The following AACS variants were observed in gnomAD, a reference collection of about 807,000 sequenced individuals.
AACS encodes the protein acetoacetate-CoA ligase.
AACS carries 69 observed loss-of-function variants against 83.1 expected under a neutral mutation model. The ratio of observed to expected loss-of-function variants is 0.83; its 90% CI spans 0.68 to 1.01. The LOEUF is 1.01. Among genes scored for constraint, AACS ranks in the 50% least tolerant of loss-of-function variants. AACS has a pLI of 0.00. For missense variants in AACS, 866 were observed against 882.2 expected (o/e 0.98, Z 0.23); for synonymous variants, 333 against 343.4 (o/e 0.97, Z 0.33).
Position 125,112,931 on chromosome 12 carries a change from C to T in AACS, c.916-1546C>T, listed in dbSNP as rs181798576. 4.1e-3 allele frequency among the ~76,000 whole-genome samples: 628 copies of T among 152,302 alleles called. 3 individuals carry two copies. The highest frequency in any genetic ancestry group is 7.2e-3 in the African/African-American group (298 of 41,566). ...AGAATAGTATGGGAGAAACTGCCCC[C>T]GTGAGTCAATTATCTCCCACCTTGT... On this transcript the variant is annotated intron_variant, in intron 8 of 17. Coordinates refer to ENST00000316519, the MANE Select transcript of AACS (RefSeq NM_023928.5).
Position 125,083,432 on chromosome 12 carries a change from G to A in AACS, c.359-2898G>A, listed in dbSNP as rs74490105. Among the ~76,000 whole-genome samples the A allele has an allele frequency of 8.5e-3, 1,289 of 152,256 alleles. 19 individuals are homozygous for A. Among genetic ancestry groups the A allele is most frequent in the African/African-American group, 0.029 (1,210 of 41,526 alleles). On this transcript the variant is annotated intron_variant, in intron 3 of 17. Transcript: ENST00000316519. ...ACCAGCGGGCAGGAGTCACTGGGGG[G>A]CCATTGTGGAGGCCGGCTACACACT...
Position 125,091,472 on chromosome 12 carries a change from G to T in AACS, c.519G>T (p.Ala173=). 6.2e-7 allele frequency: 1 copy of T among 1,614,220 alleles called. No homozygotes were observed. The highest frequency in any genetic ancestry group is 8.5e-7 in the Non-Finnish European group (1 of 1,180,050). The stretch of plus-strand genomic sequence containing the variant: ...ACGCTGTCGAGGCGATGCTGGCTGC[G>T]GCAAGCATTGGTGCCATCTGGAGCT... The part of the protein sequence containing the change: ...SEHAVEAMLA[A]ASIGAIWSST... The change falls in exon 5 of 18, where the codon GCG becomes GCT. Residue 173 remains alanine (A), a synonymous_variant. Coordinates refer to ENST00000316519, the MANE Select transcript of AACS (RefSeq NM_023928.5).
At chr12:125,077,074 A>AT (rs36067220) in intron 3 of AACS, among the ~76,000 whole-genome samples, 8,220 of 121,208 alleles carry the variant, frequency 0.068, 296 homozygotes, top group Non-Finnish European at 0.082. Context: ...TGCATGGCTG[A>AT]TTTTTTTTTT....
rs1956571103 is a variant in AACS at position 125,094,976 on chromosome 12, G to A, written c.570+3453G>A. The stretch of plus-strand genomic sequence containing the variant: ...TGTCCTCCTGAAGTGCCATCAGGTG[G>A]CCGTGTGTGTGTGTGTGTGTGTGTG... On this transcript the variant is annotated intron_variant, in intron 5 of 17. Transcript: ENST00000316519. This position sits in a 1 kb window ranked among gnomAD's most constrained non-coding sequence, Gnocchi z 4.1. 7.3e-6 allele frequency among the ~76,000 whole-genome samples: 1 copy of A among 137,316 alleles called. No individual in the cohort carries two copies. The highest frequency in any genetic ancestry group is 1.5e-5 in the Non-Finnish European group (1 of 64,596). The allele number at this position is 137,316 out of a possible 152,430, so 90.1% of individuals were successfully genotyped here.
chr12:125,123,838 G>A (rs1011675677), intron 10 of AACS: 3 of 152,250 alleles, frequency 2.0e-5, no homozygotes, highest in Admixed American at 6.5e-5. Flanking sequence ...GAAAAGCTGA[G>A]GAAGGAAATA....
chr12:125,122,396 G>A (rs1476954301), intron 10 of AACS: 3 of 152,216 alleles, frequency 2.0e-5, no homozygotes, highest in Admixed American at 6.5e-5. Flanking sequence ...AGCACTTTGG[G>A]AGGCTGAGGT....
chr12:125,087,210 C>T (rs552999132), intron 4 of AACS, among the ~76,000 whole-genome samples: 9 of 152,338 alleles, frequency 5.9e-5, no homozygotes, highest in African/African-American at 2.2e-4. Flanking sequence ...GAGCAGGCCC[C>T]ATTTGGGGAT....
intron 12 of AACS, chr12:125,125,728 T>C (rs1957236512): frequency 6.6e-6 from 1 of 152,116 alleles, no homozygotes; most frequent in Non-Finnish European, 1.5e-5. Context: ...CAGAAGGAAA[T>C]TGATTGAATA....
chr12:125,134,850 T>C lies in AACS; in HGVS notation c.1676T>C (p.Ile559Thr), dbSNP rs777193440. Residue 559 changes from isoleucine (I) to threonine (T), a missense_variant and splice_region_variant, in exon 16 of 18, where the codon ATT becomes ACT. Ile to Thr is a moderately conservative substitution (Grantham distance 89). Coordinates refer to ENST00000316519, the MANE Select transcript of AACS (RefSeq NM_023928.5). ...VRFGSSEIYN[I>T]VESFEEVEDS... The stretch of plus-strand genomic sequence containing the variant: ...TTCGGCAGCTCGGAAATCTATAACA[T>C]TGGTACGTGCTTCCCCTCCCTGAGC... 3 of 1,613,960 alleles carry C rather than the reference T, an allele frequency of 1.9e-6. No homozygotes were observed. Among genetic ancestry groups the C allele is most frequent in the Non-Finnish European group, 2.5e-6 (3 of 1,180,016 alleles).
At chr12:125,107,675 G>T (rs1036823796) in intron 8 of AACS, among the ~76,000 whole-genome samples, 2 of 152,168 alleles carry the variant, frequency 1.3e-5, no homozygotes, top group African/African-American at 2.4e-5. Flanking sequence ...TAATATTAGC[G>T]CAGTGCCAGA....
chr12:125,092,966 A>C (rs1416856377), intron 5 of AACS, among the ~76,000 whole-genome samples: 1 of 152,166 alleles, frequency 6.6e-6, no homozygotes, highest in African/African-American at 2.4e-5. Context: ...CCTCTGCTCC[A>C]TGTGGCTTCC....
intron 14 of AACS, among the ~76,000 whole-genome samples, chr12:125,132,043 G>A (rs936470766): frequency 6.6e-5 from 10 of 152,210 alleles, no homozygotes; most frequent in African/African-American, 2.4e-4. Flanking sequence ...TTTCGCCTCA[G>A]CTCCCAGGAG....
At chr12:125,137,273 A>C (rs1314697149) in intron 17 of AACS, among the ~76,000 whole-genome samples, 1 of 152,238 alleles carries the variant, frequency 6.6e-6, no homozygotes, top group Non-Finnish European at 1.5e-5. Context: ...TCCCAGGTTC[A>C]AGCAGTTCTC....
At chr12:125,078,234 C>T (rs779402734) in intron 3 of AACS, 3 of 456,110 alleles carry the variant, frequency 6.6e-6, no homozygotes, top group South Asian at 4.6e-5. Flanking sequence ...AGTCCAGTTC[C>T]CACCGAGACT....
At chr12:125,108,269 G>T (rs533352536) in intron 8 of AACS, among the ~76,000 whole-genome samples, 1 of 152,210 alleles carries the variant, frequency 6.6e-6, no homozygotes, top group African/African-American at 2.4e-5. Context: ...CCAAGGTGCC[G>T]CACAGTTGCT....
intron 5 of AACS, among the ~76,000 whole-genome samples, chr12:125,095,578 C>T (rs1956589772): frequency 6.6e-6 from 1 of 152,158 alleles, no homozygotes; most frequent in African/African-American, 2.4e-5. Flanking sequence ...TTCCTCTGGG[C>T]CCCACTCCAC....
At chr12:125,090,676 C>T (rs1247262506) in intron 4 of AACS, among the ~76,000 whole-genome samples, 1 of 151,072 alleles carries the variant, frequency 6.6e-6, no homozygotes, top group Non-Finnish European at 1.5e-5. Context: ...ATCTGTCATC[C>T]GTCCATTCAT....
rs1018409023 is a variant in AACS, at chr12:125,097,981, C to T, written c.571-4698C>T. Among the ~76,000 whole-genome samples, 3 of 152,200 alleles carry T rather than the reference C, an allele frequency of 2.0e-5. No homozygotes were observed. The highest frequency in any genetic ancestry group is 7.2e-5 in the African/African-American group (3 of 41,448). On this transcript the variant is annotated intron_variant, in intron 5 of 17. Coordinates refer to ENST00000316519, the MANE Select transcript of AACS (RefSeq NM_023928.5). The surrounding 1 kb of genome is among the most constrained non-coding windows in gnomAD (Gnocchi z 4.3). ...TCACGCGTGCCGTCGTAGTAGCTTC[C>T]GACCAGTCTCATTTCTGCTTCTCTC... is the stretch of plus-strand genomic sequence containing the variant.
At chr12:125,080,536 T>C (rs1956147062) in intron 3 of AACS, among the ~76,000 whole-genome samples, 1 of 151,978 alleles carries the variant, frequency 6.6e-6, no homozygotes, top group South Asian at 2.1e-4. Flanking sequence ...TTTTATTTTT[T>C]TAAACCCGGC....
Sources: allele counts gnomAD v4.1 joint callset (sites outside exome capture counted in the v4.1 genomes callset), GRCh38; gene constraint gnomAD v4.1.1; non-coding constraint Gnocchi (gnomAD v3.1); transcripts MANE v1.5; gene names NCBI Gene and HGNC (gene_info 2026-07-23, HGNC 2026-07-21).